Variants in FSTL5 observed in about 807,000 individuals in gnomAD.
FSTL5 encodes the protein follistatin like 5, also known as follistatin-related protein 5.
A neutral mutation model predicts 89.1 loss-of-function variants in FSTL5; 62 were observed. The ratio of observed to expected loss-of-function variants is 0.70; its 90% CI spans 0.57 to 0.86. FSTL5 has a LOEUF of 0.86. Ranked by LOEUF, FSTL5 falls within the 40% of genes least tolerant of loss-of-function variation. The pLI is 0.00. For missense variants in FSTL5, 1,057 were observed against 1,001.6 expected, an observed-to-expected ratio of 1.06 and a Z score of -0.75; for synonymous variants, 383 against 346.2, an observed-to-expected ratio of 1.11 and a Z score of -1.18.
At position 161,407,622 on chromosome 4, in the gene FSTL5, G is replaced by T. The variant is rs563632389; in HGVS notation, c.1842-21173C>A. Among the ~76,000 whole-genome samples, 7 of 152,310 alleles carry T rather than the reference G, an allele frequency of 4.6e-5. No individual in the cohort carries two copies. The South Asian group carries it at 8.3e-4, about 18-fold the overall frequency. ...AGGGGATCTCCCTGGAGATTAGATG[G>T]GGAGACAGTTGCAGCAGGCACAGAG... is the stretch of plus-strand genomic sequence containing the variant. On this transcript the variant is annotated intron_variant, in intron 15 of 15. Coordinates refer to ENST00000306100, the MANE Select transcript of FSTL5 (RefSeq NM_020116.5).
intron 15 of FSTL5, among the ~76,000 whole-genome samples, chr4:161,420,511 T>G (rs1255920484): frequency 3.3e-5 from 5 of 152,112 alleles, no homozygotes; most frequent in African/African-American, 4.8e-5. Flanking sequence ...TATATTGACT[T>G]TATTATAATA....
intron 4 of FSTL5, among the ~76,000 whole-genome samples, chr4:161,914,128 A>T (rs1337319342): frequency 6.6e-6 from 1 of 152,126 alleles, no homozygotes; most frequent in Admixed American, 6.5e-5. Flanking sequence ...GCTGTGGGAG[A>T]GACAAAGTAG....
At chr4:162,000,290 A>G (rs1485723753) in intron 3 of FSTL5, among the ~76,000 whole-genome samples, 1 of 152,098 alleles carries the variant, frequency 6.6e-6, no homozygotes, top group Non-Finnish European at 1.5e-5. Context: ...ATTTATTTAA[A>G]CTTTTAAGAA....
rs140724327 is a variant in FSTL5, at chr4:161,487,728, G to A, written c.1459-6559C>T. Among the ~76,000 whole-genome samples, 523 of 151,770 alleles carry A rather than the reference G, an allele frequency of 3.4e-3. 3 individuals are homozygous for A. Among genetic ancestry groups the A allele is most frequent in the African/African-American group, 0.011 (474 of 41,380 alleles). ...TTCTTTTAAGTATGTATTTTTAACC[G>A]AACCTGTCACAATCTGAGTCTATTG... is the stretch of plus-strand genomic sequence containing the variant. On this transcript the variant is annotated intron_variant, in intron 12 of 15. Transcript: ENST00000306100.
chr4:161,892,785 A>T (rs750988295), intron 4 of FSTL5, among the ~76,000 whole-genome samples: 10 of 152,110 alleles, frequency 6.6e-5, no homozygotes, highest in Non-Finnish European at 1.5e-4. Flanking sequence ...ATAGCAAGTG[A>T]ATGTTCTTCA....
intron 2 of FSTL5, among the ~76,000 whole-genome samples, chr4:162,058,414 T>C (rs1578993660): frequency 7.0e-6 from 1 of 142,986 alleles, no homozygotes; most frequent in East Asian, 2.1e-4. Context: ...TTTCAACTAA[T>C]AAATTCCTCT....
chr4:161,858,926 G>GA (rs372366020), intron 4 of FSTL5, among the ~76,000 whole-genome samples: 345 of 151,238 alleles, frequency 2.3e-3, no homozygotes, highest in African/African-American at 6.0e-3. Flanking sequence ...ATATTGCTGG[G>GA]AAAAAAAAAT....
Position 161,775,906 on chromosome 4 carries a change from C to A in FSTL5, c.578G>T (p.Gly193Val). Residue 193 changes from glycine to valine, a missense_variant, in exon 5 of 16, where the codon GGA becomes GTA. Physicochemically the swap from Gly to Val is moderately radical, Grantham distance 109 (BLOSUM62 -3). Around this residue, in one of 3 missense-constraint regions of FSTL5, gnomAD observed 980 missense variants for 903.2 expected, o/e 1.08. Transcript: ENST00000306100. ...MFKYFDADSN[G>V]LVDINELTQV... ...AGTTAGTTCATTAATATCTACAAGT[C>A]CATTACTGTCTGCATCAAAATATTT... The A allele has an allele frequency of 6.3e-7, 1 of 1,584,750 alleles. No homozygotes were observed. The highest frequency in any genetic ancestry group is 8.6e-7 in the Non-Finnish European group (1 of 1,165,926).
chr4:161,494,262 G>A (rs192937959), intron 12 of FSTL5, among the ~76,000 whole-genome samples: 3 of 152,092 alleles, frequency 2.0e-5, no homozygotes, highest in East Asian at 3.9e-4. Context: ...AAAAAAATAA[G>A]TGGGGAAACA....
intron 6 of FSTL5, among the ~76,000 whole-genome samples, chr4:161,725,192 TA>T (rs989717091): frequency 9.3e-5 from 14 of 150,954 alleles, no homozygotes; most frequent in Admixed American, 4.0e-4. Context: ...AAAATAAACA[TA>T]AAAAAAAATA....
chr4:162,033,968 T>C (rs922419955), intron 2 of FSTL5, among the ~76,000 whole-genome samples: 2 of 152,030 alleles, frequency 1.3e-5, no homozygotes, highest in Non-Finnish European at 2.9e-5. Flanking sequence ...CAGGCTAATA[T>C]CTTTTTTATT....
Position 162,087,853 on chromosome 4 carries a change from C to A in FSTL5, c.126+23418G>T, listed in dbSNP as rs115796566. Among the ~76,000 whole-genome samples, 1,041 of 152,086 alleles carry A rather than the reference C, an allele frequency of 6.8e-3. 11 individuals carry two copies. Among genetic ancestry groups the A allele is most frequent in the African/African-American group, 0.024 (981 of 41,500 alleles). Reference sequence around the variant, plus strand: ...AGAATCACTATTTAAGTGTATGAATCAATGAGATACATTCAGTTGAGGTTA... The same window carrying A: ...AGAATCACTATTTAAGTGTATGAATAAATGAGATACATTCAGTTGAGGTTA... On this transcript the variant is annotated intron_variant, in intron 2 of 15. Coordinates refer to ENST00000306100, the MANE Select transcript of FSTL5 (RefSeq NM_020116.5).
At chr4:161,603,845 T>G (rs1734340754) in intron 7 of FSTL5, among the ~76,000 whole-genome samples, 1 of 151,908 alleles carries the variant, frequency 6.6e-6, no homozygotes, top group African/African-American at 2.4e-5. Flanking sequence ...GCCCCAAAGA[T>G]TAAGAAAAAT....
intron 6 of FSTL5, among the ~76,000 whole-genome samples, chr4:161,708,005 A>G (rs1238772280): frequency 1.3e-5 from 2 of 152,028 alleles, no homozygotes; most frequent in Non-Finnish European, 2.9e-5. Context: ...GACTGCCCAC[A>G]AAGTTACAGA....
chr4:161,768,277 C>G (rs541035800), intron 5 of FSTL5, among the ~76,000 whole-genome samples: 16 of 152,172 alleles, frequency 1.1e-4, no homozygotes, highest in South Asian at 6.2e-4. Flanking sequence ...ACTCTACCTT[C>G]CTTAAAAATG....
intron 2 of FSTL5, among the ~76,000 whole-genome samples, chr4:162,094,399 A>G (rs1730667421): frequency 6.6e-6 from 1 of 152,170 alleles, no homozygotes; most frequent in Non-Finnish European, 1.5e-5. Flanking sequence ...AAGAGAAATG[A>G]GTATATAATA....
intron 6 of FSTL5, among the ~76,000 whole-genome samples, chr4:161,732,162 T>C (rs1401339505): frequency 2.6e-5 from 4 of 152,138 alleles, no homozygotes; most frequent in Non-Finnish European, 5.9e-5. Context: ...AGTTGCTTCA[T>C]ATCTTTGCCA....
intron 3 of FSTL5, among the ~76,000 whole-genome samples, chr4:161,954,419 C>A (rs1734975009): frequency 6.6e-6 from 1 of 151,488 alleles, no homozygotes; most frequent in Non-Finnish European, 1.5e-5. Context: ...ATATAATTAG[C>A]ACAGATAATT....
intron 7 of FSTL5, among the ~76,000 whole-genome samples, chr4:161,594,049 G>T (rs1348347903): frequency 6.6e-6 from 1 of 152,072 alleles, no homozygotes; most frequent in Non-Finnish European, 1.5e-5. Flanking sequence ...AATTGAGAAA[G>T]ATTAGAGTTA....
Sources: allele counts gnomAD v4.1 joint callset (sites outside exome capture counted in the v4.1 genomes callset), GRCh38; gene constraint gnomAD v4.1.1; regional missense constraint gnomAD v4.1.1; transcripts MANE v1.5; gene names NCBI Gene and HGNC (gene_info 2026-07-23, HGNC 2026-07-21).